The following LIPI variants were observed in gnomAD, a reference collection of about 807,000 sequenced individuals.
LIPI encodes the protein lipase I.
In LIPI, 59 loss-of-function variants were observed where a neutral mutation model predicts 50.6. The ratio of observed to expected loss-of-function variants is 1.16; its 90% confidence interval spans 0.94 to 1.45. The LOEUF (loss-of-function observed/expected upper bound fraction) is 1.45. Among genes scored for constraint, LIPI ranks in the 40% most tolerant of loss-of-function variants. The pLI, the probability that LIPI is intolerant of heterozygous loss-of-function variation, is 0.00. For synonymous variants in LIPI, 203 were observed against 178.2 expected (o/e 1.14, Z -1.11); for missense variants, 586 against 536.3 (o/e 1.09, Z -0.92).
chr21:14,140,998 C>T (rs1451399803), intron 9 of LIPI, among the ~76,000 whole-genome samples: 1 of 152,086 alleles, frequency 6.6e-6, no homozygotes, highest in Non-Finnish European at 1.5e-5. Flanking sequence ...TCTTCTACTC[C>T]GTTGATAATT....
intron 1 of LIPI, among the ~76,000 whole-genome samples, chr21:14,202,630 A>G (rs1335320489): frequency 6.6e-6 from 1 of 152,220 alleles, no homozygotes; most frequent in African/African-American, 2.4e-5. Context: ...GGCTAGCCAT[A>G]TGTAGAAAGC....
At chr21:14,172,526 C>T (rs1056411649) in intron 4 of LIPI, among the ~76,000 whole-genome samples, 66 of 151,422 alleles carry the variant, frequency 4.4e-4, no homozygotes, top group Non-Finnish European at 7.2e-4. Flanking sequence ...CCATGGAATA[C>T]TATGCAGCCA....
At chr21:14,153,847 C>T (rs1240641252) in intron 7 of LIPI, among the ~76,000 whole-genome samples, 1 of 152,146 alleles carries the variant, frequency 6.6e-6, no homozygotes, top group Admixed American at 6.6e-5. Flanking sequence ...TTTTTTCAGT[C>T]TGGGTCTTAC....
At chr21:14,176,487 C>A (rs574772169) in intron 4 of LIPI, among the ~76,000 whole-genome samples, 1 of 151,722 alleles carries the variant, frequency 6.6e-6, no homozygotes, top group Non-Finnish European at 1.5e-5. Context: ...GTTTAATATG[C>A]AATAATGTGA....
At chr21:14,174,025 G>C (rs1739485) in intron 4 of LIPI, among the ~76,000 whole-genome samples, 1 of 151,982 alleles carries the variant, frequency 6.6e-6, no homozygotes. Context: ...AATTTAACAG[G>C]GTCAGAGATT....
At chr21:14,148,228 C>A (rs1270919050) in intron 8 of LIPI, among the ~76,000 whole-genome samples, 1 of 152,066 alleles carries the variant, frequency 6.6e-6, no homozygotes, top group Non-Finnish European at 1.5e-5. Flanking sequence ...AAACCAAATG[C>A]AAAGTGTAGG....
intron 8 of LIPI, among the ~76,000 whole-genome samples, chr21:14,150,664 T>G (rs1600865262): frequency 6.6e-6 from 1 of 152,330 alleles, no homozygotes; most frequent in East Asian, 1.9e-4. Context: ...TGTATGTATA[T>G]ACATACATAA....
At chr21:14,190,544 A>G (rs1164886986) in intron 1 of LIPI, among the ~76,000 whole-genome samples, 3 of 152,218 alleles carry the variant, frequency 2.0e-5, no homozygotes, top group Non-Finnish European at 4.4e-5. Flanking sequence ...TAATACTGAG[A>G]TAATATGCAT....
intron 9 of LIPI, chr21:14,144,412 C>T: frequency 7.7e-6 from 3 of 388,170 alleles, no homozygotes; most frequent in Non-Finnish European, 1.4e-5. Context: ...TGTATTTTTT[C>T]TTTGATTAGA....
chr21:14,135,181 G>A (rs7276350), intron 9 of LIPI, among the ~76,000 whole-genome samples: 4,142 of 152,142 alleles, frequency 0.027, 180 homozygotes, highest in African/African-American at 0.091. Flanking sequence ...AAATATATGA[G>A]AAAACAGTTG....
chr21:14,142,515 G>A (rs1213070954), intron 9 of LIPI, among the ~76,000 whole-genome samples: 1 of 150,460 alleles, frequency 6.6e-6, no homozygotes, highest in South Asian at 2.1e-4. Flanking sequence ...ACAGTGTCCT[G>A]CTCTGTTGCT....
chr21:14,163,408 T>G lies in LIPI; in HGVS notation c.1006+11A>C. On this transcript the variant is annotated intron_variant, in intron 7 of 9. Transcript: ENST00000681601. ...AAATTTGTTTATTTGTTAAAATTGT[T>G]AATAACTTACTACAGAATGGATATG... is the stretch of plus-strand genomic sequence containing the variant. The G allele has an allele frequency of 4.8e-6, 6 of 1,237,452 alleles. No individual in the cohort carries two copies. The highest frequency in any genetic ancestry group is 7.2e-6 in the Non-Finnish European group (6 of 837,808). The allele number at this position is 1,237,452 out of a possible 1,614,324, so 76.7% of individuals were successfully genotyped here.
intron 1 of LIPI, among the ~76,000 whole-genome samples, chr21:14,197,849 A>T (rs1007588821): frequency 6.6e-6 from 1 of 151,008 alleles, no homozygotes; most frequent in Non-Finnish European, 1.5e-5. Flanking sequence ...TGAAAAAAAA[A>T]AATGTTAAAG....
chr21:14,196,126 G>GTTTT (rs35760637), intron 1 of LIPI, among the ~76,000 whole-genome samples: 7 of 136,676 alleles, frequency 5.1e-5, no homozygotes, highest in African/African-American at 1.6e-4. Context: ...AGTTCGTAGC[G>GTTTT]TTTTTTTTTT....
chr21:14,207,380 A>G (rs1470027042), intron 1 of LIPI, among the ~76,000 whole-genome samples: 2 of 152,224 alleles, frequency 1.3e-5, no homozygotes, highest in Non-Finnish European at 2.9e-5. Context: ...ATCACTATGC[A>G]TTATATCTAT....
rs575171214 is a variant in LIPI at position 14,140,696 on chromosome 21, T to C, written c.1295+3927A>G. Among the ~76,000 whole-genome samples, 10 of 152,236 alleles carry C rather than the reference T, an allele frequency of 6.6e-5. No individual in the cohort carries two copies. The East Asian group carries it at 1.9e-3, about 29-fold the overall frequency. On this transcript the variant is annotated intron_variant, in intron 9 of 9. Transcript: ENST00000681601. ...TTTTCACTTGTCATTTATTCCAGCA[T>C]CATTTTCTGTAATGCTCTTCTTATC...
At chr21:14,167,531 A>T (rs934247916) in intron 4 of LIPI, among the ~76,000 whole-genome samples, 3 of 152,204 alleles carry the variant, frequency 2.0e-5, no homozygotes, top group African/African-American at 7.2e-5. Flanking sequence ...CAGAGGAATG[A>T]TCAGACAGCA....
chr21:14,202,587 A>G (rs1247794443), intron 1 of LIPI, among the ~76,000 whole-genome samples: 1 of 152,188 alleles, frequency 6.6e-6, no homozygotes, highest in Non-Finnish European at 1.5e-5. Context: ...TGGGGAAAGG[A>G]TTCCCTATTT....
rs1362484498 is a variant in LIPI at position 14,186,116 on chromosome 21, T to C, written c.433-47A>G. Reference sequence around the variant, plus strand: ...ATATTACAGTATTCATTTCAAGTAATAACAAATCATGCCCCCCTCATATAT... The same window carrying C: ...ATATTACAGTATTCATTTCAAGTAACAACAAATCATGCCCCCCTCATATAT... On this transcript the variant is annotated intron_variant, in intron 2 of 9. Coordinates refer to ENST00000681601, the MANE Select transcript of LIPI (RefSeq NM_001302998.2). 4 of 988,684 alleles carry C rather than the reference T, an allele frequency of 4.0e-6. No individual in the cohort carries two copies. In the Admixed American group the frequency reaches 6.8e-5, roughly 17 times the overall value. The allele number at this position is 988,684 out of a possible 1,614,324, so 61.2% of individuals were successfully genotyped here. A position where few individuals can be genotyped will look rare whatever the true frequency, so the allele number is the denominator to read the frequency against.
Sources: gnomAD v4.1 joint callset for allele counts (sites outside exome capture counted in the v4.1 genomes callset) on GRCh38, gnomAD v4.1.1 for gene constraint, MANE v1.5 for transcripts, NCBI Gene and HGNC (gene_info 2026-07-23, HGNC 2026-07-21) for gene names.